The following FYB2 variants were observed in gnomAD, a reference collection of about 807,000 sequenced individuals.
The protein encoded by FYB2 is FYN-binding protein 2.
FYB2 carries 103 observed loss-of-function variants against 94.1 expected under a neutral mutation model. The ratio of observed to expected loss-of-function variants is 1.09; its 90% CI spans 0.93 to 1.29. The LOEUF (loss-of-function observed/expected upper bound fraction) is 1.29. Ranked by LOEUF, FYB2 falls within the 50% of genes most tolerant of loss-of-function variation. The pLI is 0.00. For missense variants in FYB2, 896 were observed against 841.5 expected, an observed-to-expected ratio of 1.06 and a Z score of -0.80; for synonymous variants, 293 against 287.9, an observed-to-expected ratio of 1.02 and a Z score of -0.18.
upstream of FYB2, chr1:56,819,483 C>T (rs1377105196): frequency 6.1e-5 from 44 of 722,528 alleles, no homozygotes; most frequent in South Asian, 7.0e-4. Flanking sequence ...GGGCCAGGGC[C>T]GGCCGCCATC....
At chr1:56,735,224 A>G (rs1165113537) in intron 15 of FYB2, among the ~76,000 whole-genome samples, 1 of 152,162 alleles carries the variant, frequency 6.6e-6, no homozygotes, top group Non-Finnish European at 1.5e-5. Flanking sequence ...CCAACATCAA[A>G]TGAATGGTAA....
intron 4 of FYB2, among the ~76,000 whole-genome samples, chr1:56,773,891 C>T (rs1645816935): frequency 6.6e-6 from 1 of 152,152 alleles, no homozygotes; most frequent in South Asian, 2.1e-4. Context: ...GAATGTGACA[C>T]CATCTGATTT....
intron 2 of FYB2, among the ~76,000 whole-genome samples, chr1:56,791,006 C>T (rs565497658): frequency 7.2e-5 from 11 of 152,018 alleles, no homozygotes; most frequent in Admixed American, 2.6e-4. Flanking sequence ...GCAGAGAGCT[C>T]GGGGAAGACA....
At chr1:56,819,871 A>T (rs535016703), upstream of FYB2, among the ~76,000 whole-genome samples, 8 of 152,300 alleles carry the variant, frequency 5.3e-5, no homozygotes, top group South Asian at 1.7e-3. Flanking sequence ...AAAAGGAGTT[A>T]ACATAAAGGA....
intron 17 of FYB2, among the ~76,000 whole-genome samples, chr1:56,722,796 CTT>C (rs891130897): frequency 2.4e-4 from 36 of 152,168 alleles, no homozygotes; most frequent in African/African-American, 8.7e-4. Context: ...GAAGCCTAAA[CTT>C]TAACCATTTT....
chr1:56,817,505 T>C (rs997892249), intron 1 of FYB2, among the ~76,000 whole-genome samples: 8 of 152,164 alleles, frequency 5.3e-5, no homozygotes, highest in Admixed American at 1.3e-4. Flanking sequence ...GACCCATATA[T>C]AGATTTTTTT....
At position 56,719,310 on chromosome 1, in the gene FYB2, T is replaced by C. The variant is rs772753455; in HGVS notation, c.*361A>G. On this transcript the variant is annotated 3_prime_UTR_variant, in exon 20 of 20. Transcript: ENST00000343433. ...GAAATTACAAATGCTCATATACTAA[T>C]ATTAGAAGCAAACTAACCATCTGCA... is the stretch of plus-strand genomic sequence containing the variant. 14 of 193,840 alleles carry C rather than the reference T, an allele frequency of 7.2e-5. No homozygotes were observed. Among genetic ancestry groups the C allele is most frequent in the Non-Finnish European group, 1.5e-4 (14 of 94,548 alleles). 12.0% of individuals were successfully genotyped at this position (193,840 alleles called of 1,614,324 possible).
chr1:56,725,696 TAAAG>T lies in FYB2; in HGVS notation c.1880+797_1880+800del, dbSNP rs570829590. On this transcript the variant is annotated intron_variant, in intron 16 of 19. Transcript: ENST00000343433. ...AAATAAATTACATCAAGTCTAAACTTAAAGAAAATAAACTTACGAGAAGGGCCAT... is the reference window on the plus strand; with the variant it reads ...AAATAAATTACATCAAGTCTAAACTTAAAATAAACTTACGAGAAGGGCCAT... Among the ~76,000 whole-genome samples, 20 of 152,146 alleles carry T rather than the reference TAAAG, an allele frequency of 1.3e-4. No homozygotes were observed. The East Asian group carries it at 3.9e-3, about 29-fold the overall frequency.
intron 14 of FYB2, chr1:56,737,377 C>A (rs1644852097): frequency 2.6e-6 from 1 of 388,584 alleles, no homozygotes; most frequent in Non-Finnish European, 4.5e-6. Context: ...GTCCCAGTAT[C>A]TCAAAACATA....
rs1399920850 is a variant in FYB2 at position 56,819,304 on chromosome 1, G to A, written c.-14C>T. On this transcript the variant is annotated 5_prime_UTR_variant, in exon 1 of 20. Transcript: ENST00000343433. Reference sequence around the variant, plus strand: ...TACCCCTTCCATTGCTTTCCTCCAAGGCAGAGTCAGGGAAACAAGCCCAGC... The same window carrying A: ...TACCCCTTCCATTGCTTTCCTCCAAAGCAGAGTCAGGGAAACAAGCCCAGC... 7.4e-6 allele frequency: 12 copies of A among 1,614,074 alleles called. No homozygotes were observed. Among genetic ancestry groups the A allele is most frequent in the Non-Finnish European group, 1.0e-5 (12 of 1,180,058 alleles).
Position 56,719,475 on chromosome 1 carries a change from A to G in FYB2, c.*196T>C, listed in dbSNP as rs1644444639. ...ATACTGAAATAGACATTGAAAGATA[A>G]CCTTTTAGGAGTAAAACCAACATCT... On this transcript the variant is annotated 3_prime_UTR_variant, in exon 20 of 20. Transcript: ENST00000343433. 17 of 527,880 alleles carry G rather than the reference A, an allele frequency of 3.2e-5. 1 individual carries two copies. In the South Asian group the frequency reaches 4.7e-4, roughly 15 times the overall value. 32.7% of individuals were successfully genotyped at this position (527,880 alleles called of 1,614,324 possible).
chr1:56,798,531 G>T (rs981444052), intron 1 of FYB2, among the ~76,000 whole-genome samples: 2 of 152,104 alleles, frequency 1.3e-5, no homozygotes, highest in African/African-American at 4.8e-5. Flanking sequence ...CTGAATCTCA[G>T]CTCTTCAAGT....
At position 56,766,441 on chromosome 1, in the gene FYB2, C is replaced by CT. The variant is rs1299175628; in HGVS notation, c.1063+1387dup. ...TCCAACCCCTTATTTCTTTTTTTTT[C>CT]TTTTTTTTTTGAGACGGAGTCTCGC... is the stretch of plus-strand genomic sequence containing the variant. On this transcript the variant is annotated intron_variant, in intron 5 of 19. Coordinates refer to ENST00000343433, the MANE Select transcript of FYB2 (RefSeq NM_001004303.5). 2.3e-3 allele frequency among the ~76,000 whole-genome samples: 334 copies of CT among 147,572 alleles called. 2 individuals carry two copies. The highest frequency in any genetic ancestry group is 5.1e-3 in the African/African-American group (206 of 40,286).
intron 1 of FYB2, among the ~76,000 whole-genome samples, chr1:56,800,666 G>T (rs1208678485): frequency 2.6e-5 from 4 of 152,078 alleles, no homozygotes; most frequent in Non-Finnish European, 5.9e-5. Flanking sequence ...ACCACATGGG[G>T]TGTAAGGTTT....
rs760877882 is a variant in FYB2 at position 56,758,719 on chromosome 1, T to C, written c.1095A>G (p.Gln365=). ...TGTTGGTAAGGAGAAACAATACCTT[T>C]TGGAGTTCTTCAATTCCAACTTCAT... ...PTYEVGIEEL[Q]KPGKNFPYPE... is the part of the protein sequence containing the mutation. The change falls in exon 6 of 20, where the codon CAA becomes CAG. Residue 365 remains glutamine (Q), a synonymous_variant. Transcript: ENST00000343433. 9.4e-6 allele frequency: 15 copies of C among 1,593,228 alleles called. No homozygotes were observed. The East Asian group carries it at 3.2e-4, about 34-fold the overall frequency.
chr1:56,811,866 A>C (rs1646776531), intron 1 of FYB2, among the ~76,000 whole-genome samples: 2 of 152,208 alleles, frequency 1.3e-5, no homozygotes, highest in Admixed American at 1.3e-4. Context: ...TTAAAAGTTT[A>C]AGTGATAATG....
rs751231032 is a variant in FYB2 at position 56,792,137 on chromosome 1, C to T, written c.676G>A (p.Glu226Lys). 6.2e-7 allele frequency: 1 copy of T among 1,613,808 alleles called. No homozygotes were observed. Among genetic ancestry groups the T allele is most frequent in the African/African-American group, 1.3e-5 (1 of 74,992 alleles). ...GGGCTCCTCTCAGGAGGTGGGTTTT[C>T]CCAGCTTTTTCTGATATGTTGAGAA... ...VISQHIRKSW[E>K]NPPPERSPAS... The change falls in exon 2 of 20, where the codon GAA becomes AAA. Residue 226 changes from glutamate to lysine, a missense_variant. Coordinates refer to ENST00000343433, the MANE Select transcript of FYB2 (RefSeq NM_001004303.5).
At chr1:56,765,427 T>C (rs1335245519) in intron 5 of FYB2, among the ~76,000 whole-genome samples, 2 of 152,214 alleles carry the variant, frequency 1.3e-5, no homozygotes, top group Admixed American at 1.3e-4. Context: ...AGCTCCCTAC[T>C]TGACCTTCTC....
At chr1:56,731,049 C>T (rs1644697018) in intron 15 of FYB2, among the ~76,000 whole-genome samples, 1 of 152,084 alleles carries the variant, frequency 6.6e-6, no homozygotes. Flanking sequence ...GCACTCCAGC[C>T]TGAGTGACAG....
Sources: allele counts gnomAD v4.1 joint callset (sites outside exome capture counted in the v4.1 genomes callset), GRCh38; gene constraint gnomAD v4.1.1; transcripts MANE v1.5; gene names NCBI Gene and HGNC (gene_info 2026-07-23, HGNC 2026-07-21).